The following DACH1 variants were observed in gnomAD, a reference collection of about 807,000 sequenced individuals.
DACH1 encodes dachshund family transcription factor 1.
Under a neutral mutation model 54.2 loss-of-function variants are expected in DACH1, and 12 were observed. That is an observed-to-expected ratio of 0.22 (90% CI 0.14 to 0.36). The LOEUF (loss-of-function observed/expected upper bound fraction) is 0.36, where lower values mean the gene tolerates loss of function less well. DACH1 is among the 10% of genes least tolerant of loss of function. The pLI is 1.00. For synonymous variants in DACH1, 386 were observed against 366.2 expected (o/e 1.05, Z -0.62); for missense variants, 805 against 929.8 (o/e 0.87, Z 1.75).
intron 3 of DACH1, among the ~76,000 whole-genome samples, chr13:71,591,693 C>G (rs968874057): frequency 3.3e-5 from 5 of 152,046 alleles, no homozygotes; most frequent in African/African-American, 9.7e-5. Context: ...TTCTTGGACT[C>G]CCTGGAAGTA....
chr13:71,713,914 T>C (rs1214925916), intron 1 of DACH1, among the ~76,000 whole-genome samples: 5 of 151,962 alleles, frequency 3.3e-5, no homozygotes, highest in Non-Finnish European at 7.4e-5. Flanking sequence ...ATTCAGCCTT[T>C]TTACCACTTC....
At chr13:71,836,814 C>T (rs1171430749) in intron 1 of DACH1, among the ~76,000 whole-genome samples, 3 of 151,964 alleles carry the variant, frequency 2.0e-5, no homozygotes, top group African/African-American at 4.8e-5. Context: ...CTATTTTTAA[C>T]GTAATTTGCT....
chr13:71,828,552 A>G (rs191918192), intron 1 of DACH1, among the ~76,000 whole-genome samples: 1 of 151,578 alleles, frequency 6.6e-6, no homozygotes, highest in Non-Finnish European at 1.5e-5. Context: ...GCACAAAAGC[A>G]TGTATTCAAC....
chr13:71,670,279 T>G (rs895298595), intron 2 of DACH1, among the ~76,000 whole-genome samples: 15 of 152,158 alleles, frequency 9.9e-5, no homozygotes, highest in African/African-American at 3.6e-4. Context: ...ATTTTGAAAA[T>G]CAGCTTCATT....
At chr13:71,687,728 C>A (rs1881255821) in intron 1 of DACH1, among the ~76,000 whole-genome samples, 2 of 152,180 alleles carry the variant, frequency 1.3e-5, no homozygotes, top group African/African-American at 4.8e-5. Context: ...CCCCGCTCAG[C>A]CTCCTGAGTA....
intron 1 of DACH1, among the ~76,000 whole-genome samples, chr13:71,843,168 T>G (rs903576567): frequency 4.6e-5 from 7 of 152,190 alleles, no homozygotes; most frequent in African/African-American, 1.7e-4. Context: ...AAGCACATTA[T>G]GGAGAATGGG....
intron 3 of DACH1, among the ~76,000 whole-genome samples, chr13:71,573,858 CTAT>C (rs1885374854): frequency 6.6e-6 from 1 of 152,106 alleles, no homozygotes; most frequent in African/African-American, 2.4e-5. Flanking sequence ...GAAATGGTCT[CTAT>C]TATATTAACC....
At chr13:71,726,034 TAGTG>T (rs1454420079) in intron 1 of DACH1, among the ~76,000 whole-genome samples, 1 of 152,100 alleles carries the variant, frequency 6.6e-6, no homozygotes, top group Non-Finnish European at 1.5e-5. Flanking sequence ...AATGAACACA[TAGTG>T]ATTTACCTAA....
At chr13:71,763,403 C>A (rs541331048) in intron 1 of DACH1, among the ~76,000 whole-genome samples, 1 of 152,238 alleles carries the variant, frequency 6.6e-6, no homozygotes, top group Non-Finnish European at 1.5e-5. Flanking sequence ...TTTCCAAGAT[C>A]TCTTTCTGAT....
At chr13:71,625,735 T>C (rs1415024906) in intron 3 of DACH1, among the ~76,000 whole-genome samples, 4 of 152,030 alleles carry the variant, frequency 2.6e-5, no homozygotes, top group African/African-American at 9.7e-5. Flanking sequence ...TTCAGGTTTG[T>C]TGATCAGGGC....
chr13:71,444,426 C>T (rs372272178), intron 10 of DACH1, among the ~76,000 whole-genome samples: 14 of 151,972 alleles, frequency 9.2e-5, no homozygotes, highest in South Asian at 8.3e-4. Flanking sequence ...TTAAAAAATA[C>T]GCAATGTTTC....
chr13:71,487,569 T>C (rs1283476519), intron 7 of DACH1, among the ~76,000 whole-genome samples: 2 of 152,080 alleles, frequency 1.3e-5, no homozygotes, highest in Non-Finnish European at 1.5e-5. Context: ...AATTCAAGAG[T>C]CCATGTGTCA....
chr13:71,552,842 T>TAGAGAGAGAGAGAG (rs1167871695), intron 6 of DACH1, among the ~76,000 whole-genome samples: 5 of 12,538 alleles, frequency 4.0e-4, no homozygotes, highest in Non-Finnish European at 5.7e-4. Flanking sequence ...TATATATATA[T>TAGAGAGAGAGAGAG]AGAGAGAGAG....
intron 10 of DACH1, among the ~76,000 whole-genome samples, chr13:71,455,362 A>G (rs1230894257): frequency 6.6e-6 from 1 of 152,064 alleles, no homozygotes; most frequent in Non-Finnish European, 1.5e-5. Flanking sequence ...ATATAGATAG[A>G]TATATCCATA....
chr13:71,866,348 CT>C lies in DACH1; in HGVS notation c.421del (p.Ser141AlafsTer53). On this transcript the variant is annotated frameshift_variant, in exon 1 of 11. Coordinates refer to ENST00000613252, the MANE Select transcript of DACH1 (RefSeq NM_080759.6). LOFTEE classifies it high-confidence loss of function. ...STPINASTGS[S>X]SSSSSSSSSS... ...GCTGCTGCTGCTACTGCTGCTGCTG[CT>C]GCTGCCGGTGCTGGCGTTGATGGGG... 6.5e-7 allele frequency: 1 copy of C among 1,533,652 alleles called. No homozygotes were observed.
At chr13:71,668,850 A>T (rs1177227330) in intron 2 of DACH1, among the ~76,000 whole-genome samples, 1 of 151,934 alleles carries the variant, frequency 6.6e-6, no homozygotes, top group Non-Finnish European at 1.5e-5. Flanking sequence ...GCTTGAACCC[A>T]GGAGGCAGAG....
chr13:71,628,925 T>TTTATG (rs1457110860), intron 3 of DACH1, among the ~76,000 whole-genome samples: 1 of 152,046 alleles, frequency 6.6e-6, no homozygotes, highest in Non-Finnish European at 1.5e-5. Flanking sequence ...ATTTTAAGAA[T>TTTATG]CCCTTCTCAT....
In DACH1 at chr13:71,559,852, G is replaced by A. The variant is rs2138382428; in HGVS notation, c.1403C>T (p.Pro468Leu). 6.2e-7 allele frequency: 1 copy of A among 1,613,774 alleles called. No homozygotes were observed. Among genetic ancestry groups the A allele is most frequent in the East Asian group, 2.2e-5 (1 of 44,796 alleles). ...GTCAGAAGAGCTCTCAGTCCGAGCAGGGGAGCTGGACACGCTGCTGCTGCG... is the reference window on the plus strand; with the variant it reads ...GTCAGAAGAGCTCTCAGTCCGAGCAAGGGAGCTGGACACGCTGCTGCTGCG... ...SHRSSSVSSS[P>L]ARTESSSDRI... is the part of the protein sequence containing the mutation. Residue 468 changes from proline to leucine, a missense_variant, in exon 5 of 11, where the codon CCT becomes CTT. Physicochemically the swap from Pro to Leu is moderately conservative, Grantham distance 98 (BLOSUM62 -3). Coordinates refer to ENST00000613252, the MANE Select transcript of DACH1 (RefSeq NM_080759.6).
At chr13:71,621,197 C>T (rs1223347647) in intron 3 of DACH1, among the ~76,000 whole-genome samples, 1 of 151,948 alleles carries the variant, frequency 6.6e-6, no homozygotes. Flanking sequence ...GAAGTAAGTA[C>T]ACTACACTTT....
Sources: gnomAD v4.1 joint callset for allele counts (sites outside exome capture counted in the v4.1 genomes callset) on GRCh38, gnomAD v4.1.1 for gene constraint, MANE v1.5 for transcripts, NCBI Gene and HGNC (gene_info 2026-07-23, HGNC 2026-07-21) for gene names.